Variants in KLK13 observed in about 807,000 individuals in gnomAD.
The protein encoded by KLK13 is kallikrein-13.
In KLK13, 19 loss-of-function variants were observed where a neutral mutation model predicts 22.4. That is an observed-to-expected ratio of 0.85 (90% CI 0.59 to 1.24). KLK13 has a LOEUF of 1.24. Ranked by LOEUF, KLK13 falls within the 50% of genes most tolerant of loss-of-function variation. The pLI is 0.00. For synonymous variants in KLK13, 156 were observed against 141.8 expected (o/e 1.10, Z -0.71); for missense variants, 311 against 347.9 (o/e 0.89, Z 0.84).
chr19:51,061,208 TCCATCCATCCATCCATCCATCCAATCCAA>T (rs910953651), intron 1 of KLK13, among the ~76,000 whole-genome samples: 1 of 150,868 alleles, frequency 6.6e-6, no homozygotes, highest in South Asian at 2.1e-4. Flanking sequence ...CATCCATCCA[TCCATCCATCCATCCATCCATCCAATCCAA>T]CCATCCATCC....
intron 1 of KLK13, among the ~76,000 whole-genome samples, chr19:51,061,106 T>C (rs1409274084): frequency 2.0e-5 from 3 of 151,770 alleles, no homozygotes; most frequent in East Asian, 1.9e-4. Context: ...TCTAACCATC[T>C]ATCCATCCAT....
In KLK13 at chr19:51,064,992, G is replaced by A. The variant is rs1372928040; in HGVS notation, c.52+24C>T. On this transcript the variant is annotated intron_variant, in intron 1 of 4. Transcript: ENST00000595793. ...TACCATTGTCCCGAATGGCCGCCGC[G>A]CCTCCACCCCCGCGCATTCTTACCT... 3 of 1,469,420 alleles carry A rather than the reference G, an allele frequency of 2.0e-6. No individual in the cohort carries two copies. In the East Asian group the frequency reaches 8.9e-5, roughly 43 times the overall value. 91.0% of individuals were successfully genotyped at this position (1,469,420 alleles called of 1,614,324 possible). A position where few individuals can be genotyped will look rare whatever the true frequency, so the allele number is the denominator to read the frequency against.
chr19:51,061,164 T>C (rs1168877523), intron 1 of KLK13, among the ~76,000 whole-genome samples: 3 of 151,256 alleles, frequency 2.0e-5, no homozygotes, highest in African/African-American at 7.3e-5. Context: ...TGTCCCTCCA[T>C]CCACTGGTCC....
chr19:51,062,719 G>A lies in KLK13; in HGVS notation c.53-2100C>T, dbSNP rs1225136373. ...TTTCCCCAGCTGTCAAGTAGAAAAA[G>A]TAATAGTTCATCTCTCATTGCGCAG... On this transcript the variant is annotated intron_variant, in intron 1 of 4. Coordinates refer to ENST00000595793, the MANE Select transcript of KLK13 (RefSeq NM_015596.3). 3.3e-5 allele frequency among the ~76,000 whole-genome samples: 5 copies of A among 152,040 alleles called. No homozygotes were observed. The South Asian group carries it at 8.3e-4, about 25-fold the overall frequency.
rs2091717200 is a variant in KLK13, at chr19:51,060,413, C to G, written c.239+20G>C. The G allele has an allele frequency of 6.4e-7, 1 of 1,551,072 alleles. No homozygotes were observed. The highest frequency in any genetic ancestry group is 8.7e-7 in the Non-Finnish European group (1 of 1,146,044). On this transcript the variant is annotated intron_variant, in intron 2 of 4. Transcript: ENST00000595793. The stretch of plus-strand genomic sequence containing the variant: ...GTCCCATTCTCATCCCTACCCCATG[C>G]TCCCCCGGCCCCCACATACTCCTTT...
Sources: gnomAD v4.1 joint callset for allele counts (sites outside exome capture counted in the v4.1 genomes callset) on GRCh38, gnomAD v4.1.1 for gene constraint, MANE v1.5 for transcripts, NCBI Gene and HGNC (gene_info 2026-07-23, HGNC 2026-07-21) for gene names.